The following NRG1 variants were observed in gnomAD, a reference collection of about 807,000 sequenced individuals.
NRG1 encodes neuregulin 1.
In NRG1, 18 loss-of-function variants were observed where a neutral mutation model predicts 63.8. The observed-to-expected ratio is 0.28, with a 90% CI of 0.19 to 0.42. NRG1 has a LOEUF of 0.42. NRG1 is among the 10% of genes least tolerant of loss of function. NRG1 has a pLI of 1.00. For synonymous variants in NRG1, 302 were observed against 301.3 expected (o/e 1.00, Z -0.02); for missense variants, 762 against 814.7 (o/e 0.94, Z 0.79).
At chr8:32,645,160 T>C (rs541548834) in intron 5 of NRG1, among the ~76,000 whole-genome samples, 10 of 152,356 alleles carry the variant, frequency 6.6e-5, no homozygotes, top group Non-Finnish European at 1.3e-4. Flanking sequence ...ATATTGATCA[T>C]TGAGATCTTA....
chr8:32,048,259 A>ATG (rs1821335658), intron 1 of NRG1, among the ~76,000 whole-genome samples: 1 of 150,148 alleles, frequency 6.7e-6, no homozygotes, highest in Non-Finnish European at 1.5e-5. Flanking sequence ...TATTTCATAT[A>ATG]TATGTATGTA....
At chr8:32,069,252 A>G (rs1195256723) in intron 1 of NRG1, among the ~76,000 whole-genome samples, 1 of 152,222 alleles carries the variant, frequency 6.6e-6, no homozygotes, top group Non-Finnish European at 1.5e-5. Context: ...TAGTAGATGA[A>G]TTATACATTT....
chr8:32,048,442 CATACATATATATAT>C (rs375920492), intron 1 of NRG1, among the ~76,000 whole-genome samples: 60,327 of 134,474 alleles, frequency 0.45, 15,724 homozygotes, highest in Non-Finnish European at 0.57. Context: ...CACATATATA[CATACATATATATAT>C]ATATATATAT....
At chr8:32,029,713 G>A (rs1428704306) in intron 1 of NRG1, among the ~76,000 whole-genome samples, 4 of 152,080 alleles carry the variant, frequency 2.6e-5, no homozygotes, top group African/African-American at 4.8e-5. Flanking sequence ...CATCTGATAC[G>A]ATTTAACATT....
intron 1 of NRG1, among the ~76,000 whole-genome samples, chr8:32,325,675 C>T (rs1405725936): frequency 1.3e-5 from 2 of 152,022 alleles, no homozygotes; most frequent in Non-Finnish European, 2.9e-5. Context: ...CCACACCTGG[C>T]CTATTTGTAT....
chr8:32,251,144 G>T (rs990970209), intron 1 of NRG1, among the ~76,000 whole-genome samples: 1 of 151,890 alleles, frequency 6.6e-6, no homozygotes, highest in South Asian at 2.1e-4. Context: ...TGCCATGGTG[G>T]TTTGTTGCAC....
intron 1 of NRG1, among the ~76,000 whole-genome samples, chr8:31,927,346 A>G (rs549735494): frequency 6.6e-6 from 1 of 152,188 alleles, no homozygotes; most frequent in South Asian, 2.1e-4. Flanking sequence ...ATTCTGAATC[A>G]GTAGTTCTTG....
intron 1 of NRG1, among the ~76,000 whole-genome samples, chr8:32,110,456 A>G (rs1831863779): frequency 1.3e-5 from 2 of 152,180 alleles, no homozygotes; most frequent in South Asian, 4.1e-4. Flanking sequence ...TGAAATCACC[A>G]GTTATTTTCT....
At chr8:32,705,385 C>G (rs1816123888) in intron 5 of NRG1, among the ~76,000 whole-genome samples, 1 of 152,268 alleles carries the variant, frequency 6.6e-6, no homozygotes, top group African/African-American at 2.4e-5. Flanking sequence ...CCCGCCTCGG[C>G]CTCCCAAAGT....
chr8:32,126,995 A>G (rs1834154292), intron 1 of NRG1, among the ~76,000 whole-genome samples: 1 of 151,810 alleles, frequency 6.6e-6, no homozygotes, highest in African/African-American at 2.4e-5. Context: ...TGCCCAGTGG[A>G]GACACTTCAG....
At chr8:32,354,289 A>G (rs1806053904) in intron 1 of NRG1, among the ~76,000 whole-genome samples, 1 of 152,180 alleles carries the variant, frequency 6.6e-6, no homozygotes, top group Non-Finnish European at 1.5e-5. Flanking sequence ...GAATCGCTAG[A>G]ACCCGGGAGG....
chr8:31,909,007 A>G (rs1832736247), intron 1 of NRG1, among the ~76,000 whole-genome samples: 1 of 152,178 alleles, frequency 6.6e-6, no homozygotes, highest in Non-Finnish European at 1.5e-5. Context: ...AGTAGAAACA[A>G]TAAACACAGT....
chr8:32,453,509 G>A (rs910205198), intron 1 of NRG1, among the ~76,000 whole-genome samples: 1 of 152,078 alleles, frequency 6.6e-6, no homozygotes, highest in South Asian at 2.1e-4. Context: ...TAATCAACAG[G>A]AGAAGAGCAA....
intron 1 of NRG1, among the ~76,000 whole-genome samples, chr8:31,816,289 C>T (rs1823437145): frequency 1.3e-5 from 2 of 152,178 alleles, no homozygotes; most frequent in South Asian, 4.1e-4. Context: ...AGCTCTGACT[C>T]CCTTTCTCCA....
chr8:32,338,105 A>G (rs1803564926), intron 1 of NRG1, among the ~76,000 whole-genome samples: 1 of 152,246 alleles, frequency 6.6e-6, no homozygotes, highest in Non-Finnish European at 1.5e-5. Context: ...TAAGCATAAT[A>G]CATCATTGGA....
chr8:32,225,943 T>C (rs1846276364), intron 1 of NRG1, among the ~76,000 whole-genome samples: 1 of 152,188 alleles, frequency 6.6e-6, no homozygotes, highest in African/African-American at 2.4e-5. Context: ...GAGTTTGTAG[T>C]TGTTCTCCTT....
chr8:32,749,215 A>T, intron 7 of NRG1: 1 of 247,404 alleles, frequency 4.0e-6, no homozygotes, highest in Middle Eastern at 1.3e-3. Flanking sequence ...AATAGTATCA[A>T]ATGCCTTTTC....
At chr8:31,649,997 C>T (rs981886039) in intron 1 of NRG1, among the ~76,000 whole-genome samples, 23 of 151,898 alleles carry the variant, frequency 1.5e-4, no homozygotes, top group African/African-American at 5.3e-4. Context: ...TTGTTTGTTT[C>T]AGACAGGGTC....
chr8:32,063,759 TAC>T (rs1824271691), intron 1 of NRG1, among the ~76,000 whole-genome samples: 3 of 151,720 alleles, frequency 2.0e-5, no homozygotes, highest in African/African-American at 7.3e-5. Context: ...TTGTGTTTAA[TAC>T]ACTTTTTTAT....
Sources: gnomAD v4.1 joint callset for allele counts (sites outside exome capture counted in the v4.1 genomes callset) on GRCh38, gnomAD v4.1.1 for gene constraint, MANE v1.5 for transcripts, NCBI Gene and HGNC (gene_info 2026-07-23, HGNC 2026-07-21) for gene names.